GPR174: variants seen among roughly 807,000 people sequenced by gnomAD.
The protein encoded by GPR174 is G protein-coupled receptor 174.
GPR174 carries 8 observed loss-of-function variants against 16.5 expected under a neutral mutation model. The ratio of observed to expected loss-of-function variants is 0.48; its 90% CI spans 0.28 to 0.87. The LOEUF (loss-of-function observed/expected upper bound fraction) is 0.87, where lower values mean the gene tolerates loss of function less well. Among genes scored for constraint, GPR174 ranks in the 40% least tolerant of loss-of-function variants. The pLI, the probability that GPR174 is intolerant of heterozygous loss-of-function variation, is 0.09. For missense variants in GPR174, 214 were observed against 247.5 expected, an observed-to-expected ratio of 0.86 and a Z score of 0.91; for synonymous variants, 111 against 94.8, an observed-to-expected ratio of 1.17 and a Z score of -0.99.
intron 2 of GPR174, among the ~76,000 whole-genome samples, chrX:79,164,490 G>A (rs959696644): frequency 7.2e-5 from 8 of 111,341 alleles, no homozygotes; most frequent in African/African-American, 2.6e-4. Flanking sequence ...ATATTTCTGA[G>A]AGCCACAAGT....
chrX:79,150,788 A>G (rs1173037115), intron 1 of GPR174, among the ~76,000 whole-genome samples: 2 of 111,913 alleles, frequency 1.8e-5, no homozygotes, highest in East Asian at 2.8e-4. Context: ...TTCATGGGGA[A>G]TTCTGAGCCT....
At chrX:79,149,919 G>A (rs1245799996) in intron 1 of GPR174, among the ~76,000 whole-genome samples, 1 of 107,495 alleles carries the variant, frequency 9.3e-6, no homozygotes, top group Non-Finnish European at 1.9e-5. Context: ...TCAGAATAGA[G>A]ACTATAACCT....
At position 79,172,225 on chromosome X, in the gene GPR174, C is replaced by T. The variant is rs1014874214; in HGVS notation, c.*216C>T. On this transcript the variant is annotated 3_prime_UTR_variant, in exon 3 of 3. Transcript: ENST00000645147. ...ACATGTCCATGTAGTAATTTTTCTT[C>T]AAGTCTGTAAATCTTAAAATATCAA... is the stretch of plus-strand genomic sequence containing the variant. 13 of 380,978 alleles carry T rather than the reference C, an allele frequency of 3.4e-5. No homozygotes were observed. Among genetic ancestry groups the T allele is most frequent in the African/African-American group, 3.1e-4 (12 of 39,009 alleles). The allele number at this position is 380,978 out of a possible 1,213,427, so 31.4% of individuals were successfully genotyped here.
At chrX:79,155,401 A>T (rs1445596092) in intron 1 of GPR174, among the ~76,000 whole-genome samples, 2 of 111,331 alleles carry the variant, frequency 1.8e-5, no homozygotes, top group Non-Finnish European at 3.8e-5. Context: ...AAGGACAAAA[A>T]ATAATTTAAA....
rs1921580806 is a variant in GPR174, at chrX:79,174,034, C to T, written c.*2025C>T. On this transcript the variant is annotated 3_prime_UTR_variant, in exon 3 of 3. Coordinates refer to ENST00000645147, the MANE Select transcript of GPR174 (RefSeq NM_032553.3). ...GCATGAATTACACTTCCTAAGGTCA[C>T]TTTGGAAGATGATTGATTTGATTTA... The T allele has an allele frequency of 9.0e-6, 1 of 111,307 alleles. No individual in the cohort carries two copies. The highest frequency in any genetic ancestry group is 3.7e-4 in the South Asian group (1 of 2,683). The allele number at this position is 111,307 out of a possible 1,213,427, so 9.2% of individuals were successfully genotyped here.
At chrX:79,168,395 A>G (rs1316506162) in intron 2 of GPR174, among the ~76,000 whole-genome samples, 2 of 111,654 alleles carry the variant, frequency 1.8e-5, no homozygotes, top group Admixed American at 1.9e-4. Context: ...ACTTGCAATT[A>G]GTGTCTCAAA....
At chrX:79,162,025 A>C (rs1921246247) in intron 2 of GPR174, among the ~76,000 whole-genome samples, 1 of 112,007 alleles carries the variant, frequency 8.9e-6, no homozygotes, top group Admixed American at 9.5e-5. Flanking sequence ...TAAATGAGGC[A>C]ATGACTGTGT....
intron 2 of GPR174, among the ~76,000 whole-genome samples, chrX:79,168,717 T>C (rs1341190863): frequency 9.1e-6 from 1 of 110,236 alleles, no homozygotes; most frequent in Non-Finnish European, 1.9e-5. Context: ...AGACTGTCTC[T>C]TAAGAACAAC....
chrX:79,157,827 T>C (rs2147452159), intron 2 of GPR174, among the ~76,000 whole-genome samples: 1 of 110,412 alleles, frequency 9.1e-6, no homozygotes, highest in African/African-American at 3.3e-5. Flanking sequence ...TATCTACTCA[T>C]TGTAAAGGAA....
At chrX:79,169,553 A>G (rs890019071) in intron 2 of GPR174, among the ~76,000 whole-genome samples, 7 of 111,770 alleles carry the variant, frequency 6.3e-5, no homozygotes, top group African/African-American at 2.0e-4. Context: ...CAGGGGCTCA[A>G]TGACGCACAC....
At chrX:79,149,787 T>C (rs922385995) in intron 1 of GPR174, among the ~76,000 whole-genome samples, 1 of 108,461 alleles carries the variant, frequency 9.2e-6, no homozygotes, top group African/African-American at 3.3e-5. Context: ...TGAAAGGCTC[T>C]TTCGATCATG....
intron 1 of GPR174, among the ~76,000 whole-genome samples, chrX:79,151,854 A>G (rs958674362): frequency 1.8e-5 from 2 of 112,095 alleles, no homozygotes; most frequent in African/African-American, 6.5e-5. Flanking sequence ...AGCGCATATT[A>G]ATTCTGATTA....
At chrX:79,147,323 G>A (rs1037701122) in intron 1 of GPR174, among the ~76,000 whole-genome samples, 1 of 109,803 alleles carries the variant, frequency 9.1e-6, no homozygotes, top group Non-Finnish European at 1.9e-5. Context: ...TGGATTAAGA[G>A]ACATGCATTA....
chrX:79,154,308 A>G (rs1434453863), intron 1 of GPR174, among the ~76,000 whole-genome samples: 3 of 111,179 alleles, frequency 2.7e-5, no homozygotes, highest in Admixed American at 9.6e-5. Flanking sequence ...ATCCCTGCAC[A>G]CTCCCTGTGA....
rs557989964 is a variant in GPR174 at position 79,147,648 on chromosome X, G to T, written c.-654+2431G>T. ...CAGCCAATTCATTAGACAAGAGAGA[G>T]TATGCAGGAGGTCCTGAGGTCTAGG... On this transcript the variant is annotated intron_variant, in intron 1 of 2. Transcript: ENST00000645147. 4.8e-4 allele frequency among the ~76,000 whole-genome samples: 53 copies of T among 109,776 alleles called. 1 individual carries two copies. In the South Asian group the frequency reaches 0.021, roughly 43 times the overall value.
At chrX:79,166,346 TC>T (rs1178724640) in intron 2 of GPR174, among the ~76,000 whole-genome samples, 1 of 109,801 alleles carries the variant, frequency 9.1e-6, no homozygotes, top group Non-Finnish European at 1.9e-5. Context: ...TAAACAGTAG[TC>T]AACAAAATGG....
At chrX:79,155,591 G>T (rs1230538639) in intron 1 of GPR174, among the ~76,000 whole-genome samples, 1 of 110,728 alleles carries the variant, frequency 9.0e-6, no homozygotes, top group African/African-American at 3.3e-5. Context: ...TGGCTTACTG[G>T]TTTTTACTTA....
At chrX:79,146,881 T>C (rs917153342) in intron 1 of GPR174, among the ~76,000 whole-genome samples, 1 of 111,050 alleles carries the variant, frequency 9.0e-6, no homozygotes, top group Non-Finnish European at 1.9e-5. Flanking sequence ...TAGGCACCAA[T>C]CAGCTACCCA....
intron 1 of GPR174, among the ~76,000 whole-genome samples, chrX:79,151,502 T>C (rs991536118): frequency 6.3e-5 from 7 of 111,311 alleles, no homozygotes; most frequent in African/African-American, 2.3e-4. Context: ...TCAAACCCAG[T>C]TCTGTTGATT....
Sources: allele counts gnomAD v4.1 joint callset (sites outside exome capture counted in the v4.1 genomes callset), GRCh38; gene constraint gnomAD v4.1.1; transcripts MANE v1.5; gene names NCBI Gene and HGNC (gene_info 2026-07-23, HGNC 2026-07-21).